Variants in CELF4 observed in about 807,000 individuals in gnomAD.
The protein encoded by CELF4 is CUGBP Elav-like family member 4, also known as CUG-BP- and ETR-3-like factor 4.
In CELF4, 18 loss-of-function variants were observed where a neutral mutation model predicts 59.9. The observed-to-expected ratio is 0.30, with a 90% CI of 0.21 to 0.45. The LOEUF (loss-of-function observed/expected upper bound fraction) is 0.45. Ranked by LOEUF, CELF4 falls within the 20% of genes least tolerant of loss-of-function variation. The probability of loss-of-function intolerance (pLI) is 1.00; values close to 1 mark genes in which losing one functional copy is unlikely to be tolerated. For synonymous variants in CELF4, 261 were observed against 267.1 expected, an observed-to-expected ratio of 0.98 and a Z score of 0.22; for missense variants, 456 against 689.0, an observed-to-expected ratio of 0.66 and a Z score of 3.79.
chr18:37,495,282 G>T (rs770256410), intron 1 of CELF4, among the ~76,000 whole-genome samples: 1 of 152,112 alleles, frequency 6.6e-6, no homozygotes, highest in Non-Finnish European at 1.5e-5. Flanking sequence ...GCTAAATTAC[G>T]TGATATGGGC....
intron 3 of CELF4, among the ~76,000 whole-genome samples, chr18:37,304,407 A>G (rs1300263297): frequency 6.6e-6 from 1 of 152,078 alleles, no homozygotes; most frequent in Admixed American, 6.6e-5. Flanking sequence ...TGCAGAGGGC[A>G]GTGAGGAAGG....
chr18:37,260,670 C>T (rs2073737216), intron 10 of CELF4, among the ~76,000 whole-genome samples: 1 of 152,222 alleles, frequency 6.6e-6, no homozygotes, highest in Non-Finnish European at 1.5e-5. Context: ...AGACTCTGCA[C>T]CTTCTCTTCT....
intron 2 of CELF4, among the ~76,000 whole-genome samples, chr18:37,477,326 T>C (rs111477697): frequency 1.4e-3 from 220 of 152,300 alleles, no homozygotes; most frequent in African/African-American, 5.0e-3. Context: ...GGAAGTGATG[T>C]TGACTTTGGG....
chr18:37,447,871 C>T (rs1333374542), intron 2 of CELF4, among the ~76,000 whole-genome samples: 1 of 152,172 alleles, frequency 6.6e-6, no homozygotes, highest in Non-Finnish European at 1.5e-5. Flanking sequence ...CAGTGGAGAA[C>T]CCTAACAGCC....
intron 3 of CELF4, among the ~76,000 whole-genome samples, chr18:37,297,548 TTG>T (rs1603307822): frequency 1.3e-5 from 2 of 152,188 alleles, no homozygotes; most frequent in Non-Finnish European, 2.9e-5. Flanking sequence ...GGTCTATTTT[TTG>T]TTTAAGATAA....
intron 2 of CELF4, among the ~76,000 whole-genome samples, chr18:37,347,502 C>G (rs944562795): frequency 6.6e-6 from 1 of 152,154 alleles, no homozygotes; most frequent in African/African-American, 2.4e-5. Context: ...CCCTGCCTCA[C>G]AGCCACTCAG....
intron 3 of CELF4, among the ~76,000 whole-genome samples, chr18:37,278,945 A>G (rs573592081): frequency 6.6e-6 from 1 of 152,194 alleles, no homozygotes; most frequent in African/African-American, 2.4e-5. Context: ...CACATAACCA[A>G]CGGTACCATT....
chr18:37,392,139 T>C (rs1389706379), intron 2 of CELF4, among the ~76,000 whole-genome samples: 6 of 152,156 alleles, frequency 3.9e-5, no homozygotes. Context: ...ATCACTGTGG[T>C]GGGGGAAGTG....
chr18:37,303,400 G>A (rs1365749143), intron 3 of CELF4, among the ~76,000 whole-genome samples: 1 of 152,148 alleles, frequency 6.6e-6, no homozygotes, highest in South Asian at 2.1e-4. Flanking sequence ...ATTGAAAAAT[G>A]GTGCTCAGTG....
intron 2 of CELF4, among the ~76,000 whole-genome samples, chr18:37,351,333 A>G (rs560862294): frequency 1.3e-5 from 2 of 152,266 alleles, no homozygotes; most frequent in South Asian, 4.1e-4. Flanking sequence ...ATTCATACAC[A>G]TTATGTACAT....
At chr18:37,319,084 C>T (rs1187335394) in intron 3 of CELF4, among the ~76,000 whole-genome samples, 1 of 152,226 alleles carries the variant, frequency 6.6e-6, no homozygotes, top group Non-Finnish European at 1.5e-5. Context: ...TCCCAGCTTT[C>T]CTGCCCATCC....
intron 3 of CELF4, among the ~76,000 whole-genome samples, chr18:37,284,706 T>C (rs77785527): frequency 0.014 from 2,082 of 152,242 alleles, 46 homozygotes; most frequent in African/African-American, 0.048. Flanking sequence ...CAGGTGGTGG[T>C]TGTAAGATCA....
intron 2 of CELF4, among the ~76,000 whole-genome samples, chr18:37,380,792 A>AATCCATCCATCC (rs56181705): frequency 0.24 from 32,649 of 134,542 alleles, 4,484 homozygotes; most frequent in East Asian, 0.32. Flanking sequence ...TTTCTCCATG[A>AATCCATCCATCC]ATCCATCCAT....
At chr18:37,477,507 T>C (rs2099853498) in intron 2 of CELF4, among the ~76,000 whole-genome samples, 2 of 152,082 alleles carry the variant, frequency 1.3e-5, no homozygotes, top group South Asian at 4.1e-4. Context: ...GGACCTTTAT[T>C]TTACAATGAC....
At chr18:37,550,398 C>G (rs1370849259) in intron 1 of CELF4, among the ~76,000 whole-genome samples, 2 of 152,292 alleles carry the variant, frequency 1.3e-5, no homozygotes, top group South Asian at 4.2e-4. Flanking sequence ...ACACATCCCA[C>G]CCATGCTGTG....
chr18:37,560,508 C>T (rs2099986229), intron 1 of CELF4, among the ~76,000 whole-genome samples: 1 of 152,072 alleles, frequency 6.6e-6, no homozygotes, highest in African/African-American at 2.4e-5. Flanking sequence ...TTGGTGAAAC[C>T]TGTTTTTTTA....
chr18:37,474,482 C>T (rs1171009156), intron 2 of CELF4, among the ~76,000 whole-genome samples: 5 of 152,234 alleles, frequency 3.3e-5, no homozygotes, highest in African/African-American at 1.2e-4. Context: ...CCTCATGCAG[C>T]TCTGGCTTTC....
chr18:37,371,199 G>T (rs2098866953), intron 2 of CELF4, among the ~76,000 whole-genome samples: 1 of 152,204 alleles, frequency 6.6e-6, no homozygotes, highest in Non-Finnish European at 1.5e-5. Flanking sequence ...TCTAAGGGAT[G>T]CACCATTTTT....
chr18:37,249,858 C>T (rs377459291), intron 12 of CELF4, among the ~76,000 whole-genome samples: 9 of 152,002 alleles, frequency 5.9e-5, no homozygotes, highest in East Asian at 1.9e-4. Flanking sequence ...AGGGCCAGGC[C>T]GAAAGCTACA....
Sources: gnomAD v4.1 joint callset for allele counts (sites outside exome capture counted in the v4.1 genomes callset) on GRCh38, gnomAD v4.1.1 for gene constraint, MANE v1.5 for transcripts, NCBI Gene and HGNC (gene_info 2026-07-23, HGNC 2026-07-21) for gene names.